KLHL35: variants seen among roughly 807,000 people sequenced by gnomAD.
The protein encoded by KLHL35 is kelch like family member 35.
In KLHL35, 50 loss-of-function variants were observed where a neutral mutation model predicts 44.0. The observed-to-expected ratio is 1.14, with a 90% CI of 0.91 to 1.44. The LOEUF (loss-of-function observed/expected upper bound fraction) is 1.44. KLHL35 is among the 40% of genes most tolerant of loss of function. The pLI, the probability that KLHL35 is intolerant of heterozygous loss-of-function variation, is 0.00. For synonymous variants in KLHL35, 470 were observed against 410.4 expected, an observed-to-expected ratio of 1.15 and a Z score of -1.76; for missense variants, 1,049 against 887.8, an observed-to-expected ratio of 1.18 and a Z score of -2.31.
intron 1 of KLHL35, among the ~76,000 whole-genome samples, chr11:75,431,084 C>G (rs1194944166): frequency 6.6e-6 from 1 of 152,138 alleles, no homozygotes; most frequent in African/African-American, 2.4e-5. Flanking sequence ...GGAAATATAT[C>G]TGTGTAAGGA....
intron 1 of KLHL35, among the ~76,000 whole-genome samples, chr11:75,431,747 A>T (rs1156983851): frequency 6.6e-6 from 1 of 152,136 alleles, no homozygotes; most frequent in African/African-American, 2.4e-5. Context: ...TGGGATCATC[A>T]TCCCTACCTC....
chr11:75,423,731 T>G lies in KLHL35; in HGVS notation c.1524A>C (p.Thr508=). The G allele has an allele frequency of 6.2e-7, 1 of 1,613,822 alleles. No homozygotes were observed. Among genetic ancestry groups the G allele is most frequent in the Non-Finnish European group, 8.5e-7 (1 of 1,179,844 alleles). The change falls in exon 6 of 7, where the codon ACA becomes ACC. Residue 508 remains threonine (T), a synonymous_variant. Transcript: ENST00000539798. The part of the protein sequence containing the change: ...MSKIFTYDPG[T]DVWGEAAVLP... Reference sequence around the variant, plus strand: ...GGACAGCTGCCTCCCCCCACACATCTGTGCCTGGATCATAGGTGAAGATTT... The same window carrying G: ...GGACAGCTGCCTCCCCCCACACATCGGTGCCTGGATCATAGGTGAAGATTT...
chr11:75,428,426 G>T lies in KLHL35; in HGVS notation c.1066+16C>A. Reference sequence around the variant, plus strand: ...AGTCAATCCCGTGTGAGCTCCCGTTGCGGCTCCGCCCTCACCGGAGACGTA... The same window carrying T: ...AGTCAATCCCGTGTGAGCTCCCGTTTCGGCTCCGCCCTCACCGGAGACGTA... On this transcript the variant is annotated intron_variant, in intron 3 of 6. Transcript: ENST00000539798. 1 of 1,611,628 alleles carries T rather than the reference G, an allele frequency of 6.2e-7. No individual in the cohort carries two copies.
chr11:75,427,596 GCTC>G (rs1343377350), intron 3 of KLHL35, among the ~76,000 whole-genome samples: 1 of 152,192 alleles, frequency 6.6e-6, no homozygotes, highest in Non-Finnish European at 1.5e-5. Context: ...TTATTCTCCT[GCTC>G]CTTACTCTTT....
At chr11:75,429,517 A>G (rs571576719) in intron 2 of KLHL35, among the ~76,000 whole-genome samples, 20 of 152,348 alleles carry the variant, frequency 1.3e-4, no homozygotes, top group African/African-American at 4.6e-4. Flanking sequence ...AAGTACTCGG[A>G]ATTACGGTTG....
At position 75,430,184 on chromosome 11, in the gene KLHL35, CG is replaced by C; in HGVS notation, c.445del (p.Arg149AlafsTer8). On this transcript the variant is annotated frameshift_variant, in exon 2 of 7. Coordinates refer to ENST00000539798, the MANE Select transcript of KLHL35 (RefSeq NM_001039548.3). LOFTEE classifies it high-confidence loss of function. ...CGCTAGGCTGTTGGCGGCGCGCAGG[CG>C]GCCCTCGAGAAAGCGCACGCAGGCC... Reference protein sequence around the residue: ...REACVRFLEGRLRAANSLALR... With the variant: ...REACVRFLEGXLRAANSLALR... 8.1e-7 allele frequency: 1 copy of C among 1,229,378 alleles called. No individual in the cohort carries two copies. The highest frequency in any genetic ancestry group is 1.0e-6 in the Non-Finnish European group (1 of 985,014). 76.2% of individuals were successfully genotyped at this position (1,229,378 alleles called of 1,614,324 possible).
intron 6 of KLHL35, chr11:75,423,448 C>T (rs1948466712): frequency 2.0e-6 from 1 of 504,640 alleles, no homozygotes. Flanking sequence ...AGCTATAGCA[C>T]TTGGGACTGC....
At chr11:75,427,698 T>A (rs1159670114) in intron 3 of KLHL35, among the ~76,000 whole-genome samples, 1 of 152,212 alleles carries the variant, frequency 6.6e-6, no homozygotes, top group African/African-American at 2.4e-5. Flanking sequence ...GCCTCACCTG[T>A]GATACTCAAC....
In KLHL35 at chr11:75,428,362, T is replaced by G. The variant is rs1026387034; in HGVS notation, c.1066+80A>C. 3.9e-5 allele frequency: 58 copies of G among 1,499,522 alleles called. No individual in the cohort carries two copies. In the African/African-American group the frequency reaches 7.0e-4, roughly 18 times the overall value. The allele number at this position is 1,499,522 out of a possible 1,614,324, so 92.9% of individuals were successfully genotyped here. ...AAACATCCCGCCCCTCTCTCCCGAT[T>G]GGAGGGAAAAGCAAAGGGGGTGGAG... On this transcript the variant is annotated intron_variant, in intron 3 of 6. Transcript: ENST00000539798.
At position 75,430,038 on chromosome 11, in the gene KLHL35, C is replaced by G; in HGVS notation, c.592G>C (p.Glu198Gln). Residue 198 changes from glutamate (E) to glutamine (Q), a missense_variant, in exon 2 of 7, where the codon GAG becomes CAG. Physicochemically the swap from Glu to Gln is conservative, Grantham distance 29 (BLOSUM62 2). Coordinates refer to ENST00000539798, the MANE Select transcript of KLHL35 (RefSeq NM_001039548.3). ...HADFLELAPD[E>Q]VVALLADPAL... is the part of the protein sequence containing the mutation. ...GGGTCCGCCAGCAGCGCCACCACCT[C>G]GTCAGGCGCCAGCTCCAGGAAGTCG... 8.5e-6 allele frequency: 12 copies of G among 1,415,728 alleles called. No individual in the cohort carries two copies. The highest frequency in any genetic ancestry group is 1.4e-5 in the South Asian group (1 of 70,316). The allele number at this position is 1,415,728 out of a possible 1,614,324, so 87.7% of individuals were successfully genotyped here. A position where few individuals can be genotyped will look rare whatever the true frequency, so the allele number is the denominator to read the frequency against.
At chr11:75,426,241 CCCGGCCGACAGATTCT>C (rs1337494709) in intron 4 of KLHL35, 1 of 232,474 alleles carries the variant, frequency 4.3e-6, no homozygotes, top group Non-Finnish European at 8.4e-6. Flanking sequence ...AGCCACTGCG[CCCGGCCGACAGATTCT>C]TTTATTCTTG....
Position 75,428,471 on chromosome 11 carries a change from C to T in KLHL35, c.1037G>A (p.Cys346Tyr), listed in dbSNP as rs761197547. 16 of 1,612,600 alleles carry T rather than the reference C, an allele frequency of 9.9e-6. No homozygotes were observed. Among genetic ancestry groups the T allele is most frequent in the Non-Finnish European group, 1.4e-5 (16 of 1,179,874 alleles). Residue 346 changes from cysteine (C) to tyrosine (Y), a missense_variant, in exon 3 of 7, where the codon TGT becomes TAT. Cys to Tyr is a radical substitution (Grantham distance 194, BLOSUM62 -2). Coordinates refer to ENST00000539798, the MANE Select transcript of KLHL35 (RefSeq NM_001039548.3). ...GACGTAGACGTCATTGCGGAGAGCA[C>T]AGGCGGCGAATTCTGAGCGAGTGTA... The part of the protein sequence containing the change: ...PGYTRSEFAA[C>Y]ALRNDVYVSG...
At position 75,429,777 on chromosome 11, in the gene KLHL35, C is replaced by T; in HGVS notation, c.853G>A (p.Ala285Thr). 6.7e-7 allele frequency: 1 copy of T among 1,500,742 alleles called. No individual in the cohort carries two copies. The highest frequency in any genetic ancestry group is 1.2e-5 in the South Asian group (1 of 80,984). The allele number at this position is 1,500,742 out of a possible 1,614,324, so 93.0% of individuals were successfully genotyped here. Residue 285 changes from alanine to threonine, a missense_variant, in exon 2 of 7, where the codon GCC (alanine) becomes ACC (threonine). Ala to Thr is a moderately conservative substitution (Grantham distance 58, BLOSUM62 0). Transcript: ENST00000539798. ...ARACFILGRE[A>T]GALRTRPRRF... ...CGCGGCCGGGTCCGCAGCGCACCGG[C>T]CTCGCGGCCCAGGATGAAGCAGGCG...
chr11:75,429,951 C>G lies in KLHL35; in HGVS notation c.679G>C (p.Asp227His). Residue 227 changes from aspartate (D) to histidine (H), a missense_variant, in exon 2 of 7, where the codon GAC becomes CAC. Coordinates refer to ENST00000539798, the MANE Select transcript of KLHL35 (RefSeq NM_001039548.3). ...AGCTGGCCGCGGCGGGCCGGCGCGT[C>G]GTGGCGCACCCAGCGCATGGCCGCT... ...FEAAMRWVRH[D>H]APARRGQLRR... is the part of the protein sequence containing the mutation. 2.8e-6 allele frequency: 4 copies of G among 1,451,138 alleles called. No homozygotes were observed. Among genetic ancestry groups the G allele is most frequent in the Non-Finnish European group, 2.7e-6 (3 of 1,111,392 alleles). 89.9% of individuals were successfully genotyped at this position (1,451,138 alleles called of 1,614,324 possible).
chr11:75,428,250 G>A (rs1241231658), intron 3 of KLHL35, among the ~76,000 whole-genome samples, 192 bp downstream of exon 3: 1 of 152,252 alleles, frequency 6.6e-6, no homozygotes, highest in Admixed American at 6.5e-5. Flanking sequence ...GTAATCATAT[G>A]TATTGAAGTT....
At position 75,430,153 on chromosome 11, in the gene KLHL35, G is replaced by C. The variant is rs538306841; in HGVS notation, c.477C>G (p.Arg159=). 308 of 1,252,266 alleles carry C rather than the reference G, an allele frequency of 2.5e-4. No homozygotes were observed. Among genetic ancestry groups the C allele is most frequent in the Non-Finnish European group, 3.0e-4 (300 of 1,000,570 alleles). 77.6% of individuals were successfully genotyped at this position (1,252,266 alleles called of 1,614,324 possible). ...CCAGCGAGAAGGCGGCGGCCACGCG[G>C]CGCAGCGCTAGGCTGTTGGCGGCGC... ...RLRAANSLAL[R]RVAAAFSLAP... is the part of the protein sequence containing the mutation. Residue 159 remains arginine, a synonymous_variant, in exon 2 of 7, where the codon CGC becomes CGG. Transcript: ENST00000539798.
At chr11:75,429,682 G>C (rs1948516895) in intron 2 of KLHL35, 67 bp downstream of exon 2, 1 of 1,384,266 alleles carries the variant, frequency 7.2e-7, no homozygotes, top group African/African-American at 1.5e-5. Context: ...GATGATGAAA[G>C]AATGAATGAG....
In KLHL35 at chr11:75,428,614, T is replaced by A. The variant is rs927895029; in HGVS notation, c.894A>T (p.Leu298=). 1.9e-6 allele frequency: 3 copies of A among 1,593,752 alleles called. No homozygotes were observed. The Admixed American group carries it at 5.1e-5, about 27-fold the overall frequency. Reference sequence around the variant, plus strand: ...CGCCGATGACCACGATCACTTCAGCTAGGTCCATGAATCTGGCGTGCGGAT... The same window carrying A: ...CGCCGATGACCACGATCACTTCAGCAAGGTCCATGAATCTGGCGTGCGGAT... ...LRTRPRRFMD[L]AEVIVVIGGC... is the part of the protein sequence containing the mutation. Residue 298 remains leucine (L), a synonymous_variant, in exon 3 of 7, where the codon CTA becomes CTT. Transcript: ENST00000539798.
chr11:75,427,858 A>G (rs191140922), intron 3 of KLHL35, among the ~76,000 whole-genome samples: 2 of 152,312 alleles, frequency 1.3e-5, no homozygotes, highest in African/African-American at 2.4e-5. Flanking sequence ...GTGGCATTCC[A>G]GATCATCTGG....
Sources: allele counts gnomAD v4.1 joint callset (sites outside exome capture counted in the v4.1 genomes callset), GRCh38; gene constraint gnomAD v4.1.1; transcripts MANE v1.5; gene names NCBI Gene and HGNC (gene_info 2026-07-23, HGNC 2026-07-21).